ZMYND8: variants seen among roughly 807,000 people sequenced by gnomAD.
ZMYND8 encodes the protein zinc finger MYND-type containing 8, also known as MYND-type zinc finger-containing chromatin reader ZMYND8.
Under a neutral mutation model 140.8 loss-of-function variants are expected in ZMYND8, and 37 were observed. That is an observed-to-expected ratio of 0.26 (90% CI 0.20 to 0.35). The LOEUF (loss-of-function observed/expected upper bound fraction) is 0.35. ZMYND8 is among the 10% of genes least tolerant of loss of function. The pLI is 1.00. For synonymous variants in ZMYND8, 592 were observed against 597.1 expected, an observed-to-expected ratio of 0.99 and a Z score of 0.12; for missense variants, 1,068 against 1,570.0, an observed-to-expected ratio of 0.68 and a Z score of 5.40.
intron 2 of ZMYND8, chr20:47,319,068 G>T (rs753454764): frequency 1.5e-6 from 2 of 1,336,438 alleles, no homozygotes; most frequent in Middle Eastern, 2.1e-4. Flanking sequence ...TCTCCCAGGG[G>T]GAGGAGGAAG....
intron 2 of ZMYND8, among the ~76,000 whole-genome samples, chr20:47,331,705 G>C (rs771669653): frequency 7.2e-5 from 11 of 152,194 alleles, no homozygotes; most frequent in Non-Finnish European, 1.6e-4. Context: ...CGGTGGCAAA[G>C]AAGGCAAAGG....
Position 47,239,052 on chromosome 20 carries a change from A to G in ZMYND8, c.2371T>C (p.Ser791Pro). 6.3e-7 allele frequency: 1 copy of G among 1,575,226 alleles called. No individual in the cohort carries two copies. The highest frequency in any genetic ancestry group is 1.2e-5 in the South Asian group (1 of 85,786). Residue 791 changes from serine (S) to proline (P), a missense_variant, in exon 15 of 23, where the codon TCC (serine) becomes CCC (proline). Around this residue, in one of 10 missense-constraint regions of ZMYND8, gnomAD observed 383 missense variants for 431.2 expected, o/e 0.89. Transcript: ENST00000471951. ...GTGGTGGCTGTGGCGCCAGCCGCGG[A>G]AGTTTGGGCGGAAGAGCGGGTGAGC... ...PVLTRSSAQT[S>P]AAGATATTST...
intron 2 of ZMYND8, chr20:47,319,135 G>T (rs770941573): frequency 2.1e-6 from 2 of 946,232 alleles, no homozygotes; most frequent in Non-Finnish European, 2.9e-6. Flanking sequence ...GGTCTTGTAC[G>T]CATTAGGTCG....
chr20:47,221,419 C>A lies in ZMYND8; in HGVS notation c.3312G>T (p.Lys1104Asn). 1.2e-5 allele frequency: 20 copies of A among 1,614,126 alleles called. No homozygotes were observed. The highest frequency in any genetic ancestry group is 1.7e-5 in the Non-Finnish European group (20 of 1,180,014). The change falls in exon 20 of 23, where the codon AAG becomes AAT. Residue 1104 changes from lysine to asparagine, a missense_variant. Lys to Asn is a moderately conservative substitution (Grantham distance 94, BLOSUM62 0). Transcript: ENST00000471951. ...TGCTCGAGGAGCTCCCCTGGGAGGA[C>A]TTATTTAGTGTTTCTGTGTTCACCT... ...DAEVNTETLN[K>N]SSQGSSSSTQ...
chr20:47,314,964 T>C (rs1458855191), intron 2 of ZMYND8, among the ~76,000 whole-genome samples: 1 of 152,160 alleles, frequency 6.6e-6, no homozygotes, highest in African/African-American at 2.4e-5. Flanking sequence ...GCCATCACTG[T>C]ATACAGGAGT....
At chr20:47,341,346 G>A (rs144384293) in intron 2 of ZMYND8, among the ~76,000 whole-genome samples, 319 of 151,726 alleles carry the variant, frequency 2.1e-3, no homozygotes, top group African/African-American at 6.6e-3. Context: ...GGCTAACATG[G>A]CAAAACCCCA....
intron 1 of ZMYND8, among the ~76,000 whole-genome samples, chr20:47,350,670 T>G (rs562755570): frequency 3.2e-4 from 48 of 152,326 alleles, no homozygotes; most frequent in Middle Eastern, 3.4e-3. Context: ...CAGCTGCATC[T>G]GGAGAAAATA....
intron 16 of ZMYND8, 43 bp downstream of exon 16, chr20:47,236,283 C>T: frequency 6.2e-7 from 1 of 1,612,192 alleles, no homozygotes; most frequent in Non-Finnish European, 8.5e-7. Flanking sequence ...TGGCATCCTG[C>T]CAGGTGTCTG....
intron 2 of ZMYND8, chr20:47,318,390 G>A (rs1338586052): frequency 3.1e-6 from 1 of 320,950 alleles, no homozygotes; most frequent in Non-Finnish European, 6.0e-6. Context: ...GTTTCCCAAA[G>A]ACACAGAGCA....
Position 47,220,275 on chromosome 20 carries a change from C to A in ZMYND8, c.3467G>T (p.Gly1156Val). Residue 1156 changes from glycine to valine, a missense_variant, in exon 21 of 23, where the codon GGC becomes GTC. Coordinates refer to ENST00000471951, the MANE Select transcript of ZMYND8 (RefSeq NM_001281775.3). Reference sequence around the variant, plus strand: ...CAACATACCAGAGCCTTGGTTGGAGCCTAAGAGAATGGAGGAGGGCGTCTC... The same window carrying A: ...CAACATACCAGAGCCTTGGTTGGAGACTAAGAGAATGGAGGAGGGCGTCTC... ...SRETPSSILL[G>V]SNQGSVSKRC... 6.4e-7 allele frequency: 1 copy of A among 1,563,886 alleles called. No homozygotes were observed. The highest frequency in any genetic ancestry group is 1.4e-5 in the African/African-American group (1 of 73,650).
intron 11 of ZMYND8, among the ~76,000 whole-genome samples, chr20:47,269,791 G>A (rs1292353795): frequency 6.6e-6 from 1 of 152,202 alleles, no homozygotes; most frequent in Non-Finnish European, 1.5e-5. Flanking sequence ...TAAAACCTCA[G>A]AAACAACCTG....
chr20:47,234,537 T>G (rs2038961002), intron 16 of ZMYND8, among the ~76,000 whole-genome samples: 1 of 152,190 alleles, frequency 6.6e-6, no homozygotes, highest in Non-Finnish European at 1.5e-5. Flanking sequence ...ACACCATGAC[T>G]GCAACTGCAA....
At chr20:47,265,056 A>ATG in intron 11 of ZMYND8, among the ~76,000 whole-genome samples, 1 of 147,198 alleles carries the variant, frequency 6.8e-6, no homozygotes, top group South Asian at 2.1e-4. Flanking sequence ...ATATATACAT[A>ATG]TATATATATA....
intron 3 of ZMYND8, among the ~76,000 whole-genome samples, chr20:47,306,114 G>A (rs1408155941): frequency 6.6e-6 from 1 of 152,092 alleles, no homozygotes; most frequent in Non-Finnish European, 1.5e-5. Flanking sequence ...TTGGCTCGGC[G>A]CAGTGGTTCA....
intron 17 of ZMYND8, 82 bp downstream of exon 17, chr20:47,229,644 G>A: frequency 1.5e-6 from 2 of 1,372,694 alleles, no homozygotes; most frequent in East Asian, 4.6e-5. Flanking sequence ...GGGGTTTCCA[G>A]AGAAGCTTCT....
At chr20:47,279,683 G>C (rs1275042516) in intron 10 of ZMYND8, among the ~76,000 whole-genome samples, 3 of 151,170 alleles carry the variant, frequency 2.0e-5, no homozygotes, top group African/African-American at 7.3e-5. Context: ...TGATAAAATA[G>C]ACATAAAAGC....
At chr20:47,314,279 G>A (rs1381445122) in intron 2 of ZMYND8, among the ~76,000 whole-genome samples, 8 of 151,834 alleles carry the variant, frequency 5.3e-5, no homozygotes, top group East Asian at 1.9e-4. Context: ...TTAGCAGATC[G>A]CTTGAGGTCA....
chr20:47,234,234 A>T (rs2038921726), intron 16 of ZMYND8, among the ~76,000 whole-genome samples: 1 of 152,208 alleles, frequency 6.6e-6, no homozygotes, highest in Admixed American at 6.5e-5. Flanking sequence ...ATTTTGGTAG[A>T]GATGGGGTTT....
At chr20:47,335,330 C>T (rs148464711) in intron 2 of ZMYND8, among the ~76,000 whole-genome samples, 127 of 151,752 alleles carry the variant, frequency 8.4e-4, no homozygotes, top group Middle Eastern at 3.4e-3. Context: ...GTCTATAAAG[C>T]GCTGGATCTC....
Sources: gnomAD v4.1 joint callset for allele counts (sites outside exome capture counted in the v4.1 genomes callset) on GRCh38, gnomAD v4.1.1 for gene constraint, gnomAD v4.1.1 regional missense constraint, MANE v1.5 for transcripts, NCBI Gene and HGNC (gene_info 2026-07-23, HGNC 2026-07-21) for gene names.